Variants in ANKFN1 observed in about 807,000 individuals in gnomAD.
The protein encoded by ANKFN1 is ankyrin repeat and fibronectin type-III domain-containing protein 1.
A neutral mutation model predicts 108.7 loss-of-function variants in ANKFN1; 74 were observed. The ratio of observed to expected loss-of-function variants is 0.68; its 90% CI spans 0.56 to 0.83. ANKFN1 has a LOEUF of 0.83. ANKFN1 is among the 40% of genes least tolerant of loss of function. The probability of loss-of-function intolerance (pLI) is 0.00; values close to 1 mark genes in which losing one functional copy is unlikely to be tolerated. For synonymous variants in ANKFN1, 547 were observed against 516.2 expected (o/e 1.06, Z -0.81); for missense variants, 1,505 against 1,382.3 (o/e 1.09, Z -1.41).
chr17:56,360,709 C>T (rs931701434), intron 6 of ANKFN1, among the ~76,000 whole-genome samples: 5 of 152,050 alleles, frequency 3.3e-5, no homozygotes, highest in African/African-American at 4.8e-5. Context: ...TTTATGTTTT[C>T]AAATAATTAT....
chr17:56,494,428 G>A (rs962405919), intron 19 of ANKFN1, among the ~76,000 whole-genome samples: 4 of 152,078 alleles, frequency 2.6e-5, no homozygotes, highest in African/African-American at 9.7e-5. Flanking sequence ...CCCATATAAA[G>A]GATAGTGGAG....
chr17:56,099,066 G>A (rs1905590464), intron 4 of ANKFN1, among the ~76,000 whole-genome samples: 1 of 152,078 alleles, frequency 6.6e-6, no homozygotes, highest in Admixed American at 6.6e-5. Flanking sequence ...TGTAATGGAG[G>A]GATAGTCTTA....
Position 56,439,859 on chromosome 17 carries a change from C to T in ANKFN1, c.911-468C>T, listed in dbSNP as rs146508410. Among the ~76,000 whole-genome samples the T allele has an allele frequency of 1.8e-3, 275 of 152,146 alleles. 1 individual carries two copies. Among genetic ancestry groups the T allele is most frequent in the Non-Finnish European group, 1.5e-3 (99 of 68,000 alleles). ...TAGTGGATCCTTTGGTTCTCAAATG[C>T]AGTAAATAAGTTATCTACTATATAG... On this transcript the variant is annotated intron_variant, in intron 8 of 20. Transcript: ENST00000682825.
intron 19 of ANKFN1, among the ~76,000 whole-genome samples, chr17:56,493,794 A>G (rs1414467134): frequency 6.6e-6 from 1 of 152,282 alleles, no homozygotes; most frequent in East Asian, 1.9e-4. Flanking sequence ...GGATTTGAGA[A>G]GACTAAAGGC....
intron 1 of ANKFN1, among the ~76,000 whole-genome samples, chr17:56,202,903 C>T (rs1293511765): frequency 6.6e-6 from 1 of 152,150 alleles, no homozygotes; most frequent in Non-Finnish European, 1.5e-5. Context: ...AATACATACA[C>T]ATGCATACAC....
chr17:56,326,398 G>A (rs951334793), intron 4 of ANKFN1, 43 bp downstream of exon 4: 11 of 1,580,830 alleles, frequency 7.0e-6, no homozygotes, highest in Admixed American at 1.9e-5. Flanking sequence ...TGAATATGGA[G>A]CTTTCTTAAT....
chr17:56,108,788 A>G (rs976484195), intron 4 of ANKFN1, among the ~76,000 whole-genome samples: 1 of 152,234 alleles, frequency 6.6e-6, no homozygotes, highest in African/African-American at 2.4e-5. Flanking sequence ...TATGGGGAAC[A>G]AAAGCAAAAT....
At chr17:56,256,224 G>A (rs977558575) in intron 3 of ANKFN1, among the ~76,000 whole-genome samples, 5 of 152,132 alleles carry the variant, frequency 3.3e-5, no homozygotes, top group African/African-American at 1.2e-4. Context: ...CTCAAGTCAA[G>A]CCATTTTATT....
chr17:56,332,979 G>GTGTA (rs570574404), intron 4 of ANKFN1, among the ~76,000 whole-genome samples: 20,278 of 147,358 alleles, frequency 0.14, 1,723 homozygotes, highest in East Asian at 0.34. Context: ...ATATATGTGT[G>GTGTA]TATATATATA....
chr17:56,348,104 A>G (rs1249666073), intron 4 of ANKFN1, among the ~76,000 whole-genome samples: 1 of 152,076 alleles, frequency 6.6e-6, no homozygotes. Flanking sequence ...TGAAATTTTT[A>G]TGAGAATGGA....
intron 8 of ANKFN1, among the ~76,000 whole-genome samples, chr17:56,418,096 T>C (rs2048293854): frequency 6.6e-6 from 1 of 152,224 alleles, no homozygotes; most frequent in South Asian, 2.1e-4. Context: ...AGTACATTTA[T>C]TTGATCATAA....
At chr17:56,322,369 C>T (rs149007250) in intron 3 of ANKFN1, among the ~76,000 whole-genome samples, 4,432 of 152,278 alleles carry the variant, frequency 0.029, 100 homozygotes, top group Non-Finnish European at 0.045. Context: ...CGGGCCTTCA[C>T]ACCATCAGTG....
Position 56,440,340 on chromosome 17 carries a change from G to T in ANKFN1, c.924G>T (p.Met308Ile). ...VVTRYKVEWS[M>I]SEDFSPLAGE... ...TACTCCCTCCAGTGGAATGGAGTATGTCCGAAGACTTTTCTCCTTTGGCTG... is the reference window on the plus strand; with the variant it reads ...TACTCCCTCCAGTGGAATGGAGTATTTCCGAAGACTTTTCTCCTTTGGCTG... Residue 308 changes from methionine to isoleucine, a missense_variant, in exon 9 of 21, where the codon ATG (methionine) becomes ATT (isoleucine). Met to Ile is a conservative substitution (Grantham distance 10). Coordinates refer to ENST00000682825, the MANE Select transcript of ANKFN1 (RefSeq NM_001370326.1). The T allele has an allele frequency of 6.2e-7, 1 of 1,611,456 alleles. No individual in the cohort carries two copies. Among genetic ancestry groups the T allele is most frequent in the Non-Finnish European group, 8.5e-7 (1 of 1,178,268 alleles).
chr17:56,100,892 G>A (rs940994176), intron 4 of ANKFN1, among the ~76,000 whole-genome samples: 10 of 152,192 alleles, frequency 6.6e-5, no homozygotes, highest in African/African-American at 2.4e-4. Context: ...GAACTCTTTA[G>A]AGAGGGTTCT....
chr17:56,212,171 G>A (rs576782040), intron 1 of ANKFN1, among the ~76,000 whole-genome samples: 6 of 140,428 alleles, frequency 4.3e-5, no homozygotes, highest in African/African-American at 1.5e-4. Context: ...TATTGGCTGT[G>A]GGTTTGTCAT....
At chr17:56,337,746 A>T (rs528795783) in intron 4 of ANKFN1, among the ~76,000 whole-genome samples, 1 of 152,318 alleles carries the variant, frequency 6.6e-6, no homozygotes, top group South Asian at 2.1e-4. Flanking sequence ...AATTCAAACC[A>T]CAATGAGATA....
At chr17:56,277,433 A>T (rs1355300969) in intron 3 of ANKFN1, among the ~76,000 whole-genome samples, 2 of 152,102 alleles carry the variant, frequency 1.3e-5, no homozygotes, top group Non-Finnish European at 2.9e-5. Context: ...CATAATAATA[A>T]TAATGCTAAT....
intron 1 of ANKFN1, among the ~76,000 whole-genome samples, chr17:56,187,599 T>G (rs8073240): frequency 0.74 from 111,569 of 151,618 alleles, 42,036 homozygotes; most frequent in East Asian, 0.94. Flanking sequence ...TATACCCAAA[T>G]GACTATAAAT....
intron 8 of ANKFN1, among the ~76,000 whole-genome samples, chr17:56,434,269 A>G (rs972659429): frequency 7.9e-5 from 12 of 151,762 alleles, no homozygotes; most frequent in African/African-American, 2.9e-4. Context: ...AGCACATATT[A>G]TTTTTGTGGA....
Sources: allele counts gnomAD v4.1 joint callset (sites outside exome capture counted in the v4.1 genomes callset), GRCh38; gene constraint gnomAD v4.1.1; transcripts MANE v1.5; gene names NCBI Gene and HGNC (gene_info 2026-07-23, HGNC 2026-07-21).